GPC6: variants seen among roughly 807,000 people sequenced by gnomAD.
GPC6 encodes the protein glypican 6.
GPC6 carries 14 observed loss-of-function variants against 55.2 expected under a neutral mutation model. The observed-to-expected ratio is 0.25, with a 90% CI of 0.17 to 0.40. The LOEUF is 0.40. Among genes scored for constraint, GPC6 ranks in the 10% least tolerant of loss-of-function variants. The probability of loss-of-function intolerance (pLI) is 1.00; values close to 1 mark genes in which losing one functional copy is unlikely to be tolerated. For synonymous variants in GPC6, 278 were observed against 259.6 expected (o/e 1.07, Z -0.68); for missense variants, 641 against 708.5 (o/e 0.90, Z 1.08).
intron 4 of GPC6, among the ~76,000 whole-genome samples, chr13:94,253,089 C>T (rs1891407395): frequency 6.6e-6 from 1 of 152,134 alleles, no homozygotes; most frequent in South Asian, 2.1e-4. Context: ...AAAACTCCCT[C>T]CTGTGAATCT....
chr13:93,821,634 A>T (rs1377848017), intron 2 of GPC6, among the ~76,000 whole-genome samples: 1 of 152,184 alleles, frequency 6.6e-6, no homozygotes, highest in Non-Finnish European at 1.5e-5. Flanking sequence ...CCTTTATTAG[A>T]ACTCCATTTT....
chr13:94,339,682 T>G lies in GPC6; in HGVS notation c.1152+33559T>G, dbSNP rs559814657. Among the ~76,000 whole-genome samples the G allele has an allele frequency of 3.3e-5, 5 of 151,900 alleles. No individual in the cohort carries two copies. In the South Asian group the frequency reaches 1.0e-3, roughly 32 times the overall value. Reference sequence around the variant, plus strand: ...GAGATGTAGTCCTTTGGCTCTAAATTTTCTAAGAGGAATGATCTATGGAAA... The same window carrying G: ...GAGATGTAGTCCTTTGGCTCTAAATGTTCTAAGAGGAATGATCTATGGAAA... On this transcript the variant is annotated intron_variant, in intron 6 of 8. Coordinates refer to ENST00000377047, the MANE Select transcript of GPC6 (RefSeq NM_005708.5).
chr13:93,676,679 CTTTA>C (rs1391294697), intron 2 of GPC6, among the ~76,000 whole-genome samples: 1 of 152,108 alleles, frequency 6.6e-6, no homozygotes, highest in African/African-American at 2.4e-5. Context: ...GAAATAAGAT[CTTTA>C]TTTATACCTC....
At chr13:93,562,406 C>G (rs932410451) in intron 2 of GPC6, among the ~76,000 whole-genome samples, 1 of 152,046 alleles carries the variant, frequency 6.6e-6, no homozygotes, top group Non-Finnish European at 1.5e-5. Context: ...AAACAGGATA[C>G]TATCATGAGA....
intron 1 of GPC6, among the ~76,000 whole-genome samples, chr13:93,543,691 C>A (rs763805838): frequency 4.6e-5 from 7 of 152,098 alleles, no homozygotes; most frequent in Non-Finnish European, 8.8e-5. Flanking sequence ...CCATTGTGTA[C>A]TTATGCCACA....
At chr13:93,760,462 T>C (rs1002982711) in intron 2 of GPC6, among the ~76,000 whole-genome samples, 3 of 152,192 alleles carry the variant, frequency 2.0e-5, no homozygotes, top group African/African-American at 7.2e-5. Flanking sequence ...ACTCACCTTC[T>C]GGGAGCCTGG....
At chr13:94,372,693 G>A (rs554374931) in intron 6 of GPC6, among the ~76,000 whole-genome samples, 1 of 151,906 alleles carries the variant, frequency 6.6e-6, no homozygotes, top group African/African-American at 2.4e-5. Context: ...CTGGAAGCTC[G>A]AACTGGGTGG....
intron 2 of GPC6, among the ~76,000 whole-genome samples, chr13:93,788,345 C>T (rs535909547): frequency 1.3e-5 from 2 of 152,212 alleles, no homozygotes; most frequent in African/African-American, 4.8e-5. Context: ...ATCTTATTCA[C>T]AAGAAAGGAG....
intron 4 of GPC6, among the ~76,000 whole-genome samples, chr13:94,223,206 C>G (rs1339247715): frequency 6.6e-6 from 1 of 152,088 alleles, no homozygotes; most frequent in Non-Finnish European, 1.5e-5. Context: ...GATTCTCCAT[C>G]TCATGTGTTA....
At chr13:94,066,440 C>G (rs1884520994) in intron 4 of GPC6, among the ~76,000 whole-genome samples, 1 of 152,118 alleles carries the variant, frequency 6.6e-6, no homozygotes, top group Non-Finnish European at 1.5e-5. Context: ...GAGACTATCA[C>G]ATATACAGTT....
chr13:94,308,410 G>A (rs1050067600), intron 6 of GPC6, among the ~76,000 whole-genome samples: 13 of 152,152 alleles, frequency 8.5e-5, no homozygotes, highest in South Asian at 2.1e-4. Context: ...TAAAGGTCTC[G>A]AGAGTATAGA....
chr13:93,453,848 A>C (rs1166442555), intron 1 of GPC6, among the ~76,000 whole-genome samples: 1 of 152,086 alleles, frequency 6.6e-6, no homozygotes, highest in Non-Finnish European at 1.5e-5. Context: ...TTTATTGCAA[A>C]GAGCAAAAGA....
chr13:93,506,113 T>A (rs1880703725), intron 1 of GPC6, among the ~76,000 whole-genome samples: 2 of 152,180 alleles, frequency 1.3e-5, no homozygotes, highest in Admixed American at 1.3e-4. Flanking sequence ...GAAAGTTGTT[T>A]ATTGGGTCTG....
intron 3 of GPC6, among the ~76,000 whole-genome samples, chr13:93,982,153 G>A (rs1159096423): frequency 1.3e-5 from 2 of 151,992 alleles, no homozygotes; most frequent in Non-Finnish European, 2.9e-5. Context: ...GTGCTGATGG[G>A]GCCTATGGTC....
chr13:94,026,410 T>A (rs917846144), intron 3 of GPC6, among the ~76,000 whole-genome samples: 2 of 152,036 alleles, frequency 1.3e-5, no homozygotes, highest in African/African-American at 4.8e-5. Context: ...ATGTTCTTGT[T>A]ACCTGTGAGC....
At chr13:94,272,328 T>C (rs1892056076) in intron 4 of GPC6, among the ~76,000 whole-genome samples, 1 of 152,100 alleles carries the variant, frequency 6.6e-6, no homozygotes, top group South Asian at 2.1e-4. Flanking sequence ...TATTAACTTT[T>C]AGGGCAAAGG....
At chr13:93,743,726 G>A (rs773794223) in intron 2 of GPC6, among the ~76,000 whole-genome samples, 1 of 151,660 alleles carries the variant, frequency 6.6e-6, no homozygotes, top group Non-Finnish European at 1.5e-5. Context: ...CAGATCTTAA[G>A]AATTAAAATT....
chr13:93,218,297 G>A, the GPC6 span, among the ~76,000 whole-genome samples: 1 of 152,082 alleles, frequency 6.6e-6, no homozygotes, highest in Admixed American at 6.6e-5. Context: ...TATTCTTCAA[G>A]TAAAAAACAA....
At chr13:93,264,052 G>A (rs1486840421) in intron 1 of GPC6, among the ~76,000 whole-genome samples, 1 of 152,052 alleles carries the variant, frequency 6.6e-6, no homozygotes, top group East Asian at 1.9e-4. Context: ...CCTGCTTGAT[G>A]CTAGCTCATT....
Sources: allele counts gnomAD v4.1 joint callset (sites outside exome capture counted in the v4.1 genomes callset), GRCh38; gene constraint gnomAD v4.1.1; transcripts MANE v1.5; gene names NCBI Gene and HGNC (gene_info 2026-07-23, HGNC 2026-07-21).